The following CNPY4 variants were observed in gnomAD, a reference collection of about 807,000 sequenced individuals.
The protein encoded by CNPY4 is protein canopy homolog 4.
CNPY4 carries 33 observed loss-of-function variants against 30.1 expected under a neutral mutation model. The ratio of observed to expected loss-of-function variants is 1.10; its 90% CI spans 0.83 to 1.46. CNPY4 has a LOEUF of 1.46. Ranked by LOEUF, CNPY4 falls within the 40% of genes most tolerant of loss-of-function variation. CNPY4 has a pLI of 0.00. For synonymous variants in CNPY4, 109 were observed against 110.1 expected (o/e 0.99, Z 0.06); for missense variants, 324 against 302.6 (o/e 1.07, Z -0.52).
In CNPY4 at chr7:100,121,943, G is replaced by A. The variant is rs10225723; in HGVS notation, c.119-316G>A. 1.6e-3 allele frequency: 421 copies of A among 257,302 alleles called. 1 individual carries two copies. Among genetic ancestry groups the A allele is most frequent in the African/African-American group, 8.3e-3 (360 of 43,374 alleles). 15.9% of individuals were successfully genotyped at this position (257,302 alleles called of 1,614,324 possible). A position where few individuals can be genotyped will look rare whatever the true frequency, so the allele number is the denominator to read the frequency against. On this transcript the variant is annotated intron_variant, in intron 1 of 5. Coordinates refer to ENST00000262932, the MANE Select transcript of CNPY4 (RefSeq NM_152755.2). ...TGGGTGCCTGTAGTCCCAGCTACTC[G>A]GGAGACTGAGGCAGGAGAATGGCGT...
rs756693085 is a variant in CNPY4, at chr7:100,124,554, A to G, written c.506A>G (p.Asp169Gly). Residue 169 changes from aspartate to glycine, a missense_variant, in exon 5 of 6, where the codon GAC (aspartate) becomes GGC (glycine). Coordinates refer to ENST00000262932, the MANE Select transcript of CNPY4 (RefSeq NM_152755.2). ...MLEEFEDIVG[D>G]WYFHHQEQPL... ...GAGGAGTTTGAAGACATTGTGGGAG[A>G]CTGGTACTTCCACCATCAGGAGCAG... The G allele has an allele frequency of 1.2e-6, 2 of 1,612,612 alleles. No individual in the cohort carries two copies. The highest frequency in any genetic ancestry group is 1.7e-6 in the Non-Finnish European group (2 of 1,179,688).
chr7:100,122,316 G>T lies in CNPY4; in HGVS notation c.176G>T (p.Arg59Leu). ...GAACTGAGTCGCACCGGTCGATCTCGAGAGGTGCTGGAGCTGGGGCAGGTG... is the reference window on the plus strand; with the variant it reads ...GAACTGAGTCGCACCGGTCGATCTCTAGAGGTGCTGGAGCTGGGGCAGGTG... ...QAELSRTGRS[R>L]EVLELGQVLD... Residue 59 changes from arginine to leucine, a missense_variant, in exon 2 of 6, where the codon CGA becomes CTA. By Grantham distance (102) the Arg-to-Leu change is moderately radical. Transcript: ENST00000262932. The T allele has an allele frequency of 6.2e-7, 1 of 1,614,092 alleles. No individual in the cohort carries two copies. The highest frequency in any genetic ancestry group is 8.5e-7 in the Non-Finnish European group (1 of 1,180,014).
At chr7:100,120,568 CAGTATCA>C (rs937822847) in intron 1 of CNPY4, among the ~76,000 whole-genome samples, 2 of 152,174 alleles carry the variant, frequency 1.3e-5, no homozygotes, top group African/African-American at 4.8e-5. Flanking sequence ...AACTGTATTC[CAGTATCA>C]TGAAAGGCAG....
chr7:100,125,005 A>G lies in CNPY4; in HGVS notation c.*117A>G, dbSNP rs1460118466. 2 of 1,220,966 alleles carry G rather than the reference A, an allele frequency of 1.6e-6. No individual in the cohort carries two copies. Among genetic ancestry groups the G allele is most frequent in the Non-Finnish European group, 2.3e-6 (2 of 874,468 alleles). The allele number at this position is 1,220,966 out of a possible 1,614,324, so 75.6% of individuals were successfully genotyped here. ...TATGAGTGACTCCACCCAAGCTTGT[A>G]GCTGTTCTCTCCCATCTAACCTCAG... On this transcript the variant is annotated 3_prime_UTR_variant, in exon 6 of 6. Coordinates refer to ENST00000262932, the MANE Select transcript of CNPY4 (RefSeq NM_152755.2).
intron 1 of CNPY4, 71 bp from the exon 2 acceptor site, chr7:100,122,188 G>A (rs1798091975): frequency 6.3e-7 from 1 of 1,590,046 alleles, no homozygotes; most frequent in Admixed American, 1.7e-5. Context: ...TGCTGCCTCA[G>A]GTCATCTGCA....
intron 4 of CNPY4, among the ~76,000 whole-genome samples, chr7:100,123,878 C>T (rs1032050903): frequency 1.3e-5 from 2 of 152,140 alleles, no homozygotes; most frequent in African/African-American, 2.4e-5. Context: ...CGTATGTAAT[C>T]CCAGCACTTT....
intron 1 of CNPY4, chr7:100,121,112 A>ATTTTTTTTTTTT (rs1798040006): frequency 2.0e-4 from 6 of 30,720 alleles, no homozygotes; most frequent in East Asian, 5.7e-4. Context: ...ATATATATAT[A>ATTTTTTTTTTTT]TATATTTTTT....
intron 3 of CNPY4, 56 bp from the exon 4 acceptor site, chr7:100,122,728 G>A: frequency 6.3e-7 from 1 of 1,579,854 alleles, no homozygotes; most frequent in Non-Finnish European, 8.6e-7. Flanking sequence ...TGGCAGAAAG[G>A]GGAAGGGAGG....
chr7:100,123,869 G>GT (rs1391104896), intron 4 of CNPY4, among the ~76,000 whole-genome samples: 1 of 152,130 alleles, frequency 6.6e-6, no homozygotes, highest in East Asian at 1.9e-4. Flanking sequence ...GATGGCTCAC[G>GT]TATGTAATCC....
rs1798112264 is a variant in CNPY4 at position 100,122,888 on chromosome 7, C to T, written c.447C>T (p.Val149=). ...LELWDEPSVE[V]TYLKKQCETM... ...TTTGGGATGAGCCCAGCGTGGAGGT[C>T]ACATACCTCAAGAAGCAGGTAGGAT... Residue 149 remains valine (V), a synonymous_variant, in exon 4 of 6, where the codon GTC becomes GTT. Coordinates refer to ENST00000262932, the MANE Select transcript of CNPY4 (RefSeq NM_152755.2). The T allele has an allele frequency of 6.2e-7, 1 of 1,612,982 alleles. No homozygotes were observed. Among genetic ancestry groups the T allele is most frequent in the Admixed American group, 1.7e-5 (1 of 59,864 alleles).
At chr7:100,124,314 A>T (rs984247136) in intron 4 of CNPY4, 200 bp from the exon 5 acceptor site, 1 of 544,400 alleles carries the variant, frequency 1.8e-6, no homozygotes, top group African/African-American at 1.9e-5. Flanking sequence ...GCTGAGACTC[A>T]AGAGTTTAAT....
chr7:100,124,693 A>AT lies in CNPY4; in HGVS notation c.584-31dup, dbSNP rs777094819. On this transcript the variant is annotated intron_variant, in intron 5 of 5. Coordinates refer to ENST00000262932, the MANE Select transcript of CNPY4 (RefSeq NM_152755.2). ...ATAGCCTCCCCTGCCTCCAGGACTA[A>AT]TATCTAAATTGTTTTCTGTCATCCG... 3.1e-6 allele frequency: 5 copies of AT among 1,613,318 alleles called. No individual in the cohort carries two copies. In the Admixed American group the frequency reaches 5.0e-5, roughly 16 times the overall value.
chr7:100,123,920 G>A (rs530573871), intron 4 of CNPY4, among the ~76,000 whole-genome samples: 1 of 152,274 alleles, frequency 6.6e-6, no homozygotes, highest in East Asian at 1.9e-4. Flanking sequence ...CACGACATCA[G>A]GGGTTCAAGA....
chr7:100,124,350 G>C (rs1441024483), intron 4 of CNPY4, 164 bp from the exon 5 acceptor site: 3 of 594,896 alleles, frequency 5.0e-6, no homozygotes, highest in East Asian at 5.4e-5. Context: ...ATAGGTGCTG[G>C]TAAATGTTTG....
In CNPY4 at chr7:100,125,047, AC is replaced by A; in HGVS notation, c.*160del. 1.2e-6 allele frequency: 1 copy of A among 809,378 alleles called. No individual in the cohort carries two copies. Among genetic ancestry groups the A allele is most frequent in the Non-Finnish European group, 1.9e-6 (1 of 524,306 alleles). 50.1% of individuals were successfully genotyped at this position (809,378 alleles called of 1,614,324 possible). On this transcript the variant is annotated 3_prime_UTR_variant, in exon 6 of 6. Coordinates refer to ENST00000262932, the MANE Select transcript of CNPY4 (RefSeq NM_152755.2). ...TAACCTCAGGCAAGATCCTGGTGAA[AC>A]AGCATGACATGGCTTCTGGGGTGGA...
rs1798171727 is a variant in CNPY4, at chr7:100,124,841, A to G, written c.700A>G (p.Met234Val). 1 of 1,610,006 alleles carries G rather than the reference A, an allele frequency of 6.2e-7. No homozygotes were observed. The highest frequency in any genetic ancestry group is 1.7e-5 in the Admixed American group (1 of 59,612). Residue 234 changes from methionine to valine, a missense_variant, in exon 6 of 6, where the codon ATG becomes GTG. Transcript: ENST00000262932. The part of the protein sequence containing the change: ...EEEEEEGGDK[M>V]TKTGSHPKLD... ...GGAGGAAGAGGAAGGGGGAGACAAGATGACCAAGACAGGAAGCCACCCCAA... is the reference window on the plus strand; with the variant it reads ...GGAGGAAGAGGAAGGGGGAGACAAGGTGACCAAGACAGGAAGCCACCCCAA...
chr7:100,123,320 C>T (rs1212459770), intron 4 of CNPY4, among the ~76,000 whole-genome samples: 9 of 150,004 alleles, frequency 6.0e-5, no homozygotes, highest in Non-Finnish European at 8.9e-5. Context: ...CCAGCCAGGG[C>T]GACAGAGCAA....
At chr7:100,123,904 G>A (rs1798147400) in intron 4 of CNPY4, among the ~76,000 whole-genome samples, 1 of 152,182 alleles carries the variant, frequency 6.6e-6, no homozygotes, top group Admixed American at 6.5e-5. Flanking sequence ...GGCGAGACAG[G>A]CGGATCACGA....
chr7:100,121,110 A>ATTTTTTTTTTTTTTTT (rs1798036782), intron 1 of CNPY4: 3 of 28,394 alleles, frequency 1.1e-4, no homozygotes, highest in Non-Finnish European at 2.1e-4. Flanking sequence ...ATATATATAT[A>ATTTTTTTTTTTTTTTT]TATATATTTT....
Sources: gnomAD v4.1 joint callset for allele counts (sites outside exome capture counted in the v4.1 genomes callset) on GRCh38, gnomAD v4.1.1 for gene constraint, MANE v1.5 for transcripts, NCBI Gene and HGNC (gene_info 2026-07-23, HGNC 2026-07-21) for gene names.